MUC17: variants seen among roughly 807,000 people sequenced by gnomAD.
MUC17 encodes the protein mucin-17.
MUC17 carries 190 observed loss-of-function variants against 170.3 expected under a neutral mutation model. The ratio of observed to expected loss-of-function variants is 1.12; its 90% CI spans 0.99 to 1.26. MUC17 has a LOEUF of 1.26. Ranked by LOEUF, MUC17 falls within the 50% of genes most tolerant of loss-of-function variation. The pLI, the probability that MUC17 is intolerant of heterozygous loss-of-function variation, is 0.00. For synonymous variants in MUC17, 2,325 were observed against 2,002.5 expected (o/e 1.16, Z -4.30); for missense variants, 6,415 against 5,530.0 (o/e 1.16, Z -5.08).
At chr7:101,028,563 T>C (rs1477322988) in intron 1 of MUC17, among the ~76,000 whole-genome samples, 1 of 152,110 alleles carries the variant, frequency 6.6e-6, no homozygotes, top group Non-Finnish European at 1.5e-5. Flanking sequence ...ATTGGATTAT[T>C]GCACATATGG....
intron 9 of MUC17, among the ~76,000 whole-genome samples, chr7:101,052,688 G>A (rs752947148): frequency 1.7e-4 from 26 of 152,082 alleles, no homozygotes; most frequent in Non-Finnish European, 2.8e-4. Flanking sequence ...GTGGGGTCCT[G>A]GAGTCCCTGG....
rs187135134 is a variant in MUC17 at position 101,058,046 on chromosome 7, G to A, written c.*2G>A. The stretch of plus-strand genomic sequence containing the variant: ...CAGGTAATGACGACATCATTTTAAG[G>A]CATGGAGCTGAGAAGTCTGGGAGTG... On this transcript the variant is annotated 3_prime_UTR_variant, in exon 13 of 13. Coordinates refer to ENST00000306151, the MANE Select transcript of MUC17 (RefSeq NM_001040105.2). The A allele has an allele frequency of 1.9e-6, 3 of 1,613,754 alleles. No individual in the cohort carries two copies. Among genetic ancestry groups the A allele is most frequent in the Non-Finnish European group, 2.5e-6 (3 of 1,179,806 alleles).
In MUC17 at chr7:101,048,897, T is replaced by C. The variant is rs535004213; in HGVS notation, c.12588T>C (p.Ser4196=). Reference sequence around the variant, plus strand: ...TGGAACTGACTGTGACAGTGACCAGTGTGAAGTTCACCGAAGAGCTAAAAA... The same window carrying C: ...TGGAACTGACTGTGACAGTGACCAGCGTGAAGTTCACCGAAGAGCTAAAAA... The part of the protein sequence containing the change: ...AQMELTVTVT[S]VKFTEELKNH... Residue 4196 remains serine, a synonymous_variant, in exon 5 of 13, where the codon AGT becomes AGC. Transcript: ENST00000306151. The C allele has an allele frequency of 1.1e-5, 18 of 1,613,988 alleles. No individual in the cohort carries two copies. In the South Asian group the frequency reaches 1.9e-4, roughly 17 times the overall value.
Position 101,035,050 on chromosome 7 carries a change from T to G in MUC17, c.3634T>G (p.Ser1212Ala), listed in dbSNP as rs774317611. The change falls in exon 3 of 13, where the codon TCA becomes GCA. Residue 1212 changes from serine to alanine, a missense_variant. Physicochemically the swap from Ser to Ala is moderately conservative, Grantham distance 99. Transcript: ENST00000306151. Reference sequence around the variant, plus strand: ...TGCTGAAGTTACCAGCATGCCAACCTCAACTCCTGGAGAAAGAAGCACTCC... The same window carrying G: ...TGCTGAAGTTACCAGCATGCCAACCGCAACTCCTGGAGAAAGAAGCACTCC... Reference protein sequence around the residue: ...PTAEVTSMPTSTPGERSTPLT... With the variant: ...PTAEVTSMPTATPGERSTPLT... 1 of 1,613,842 alleles carries G rather than the reference T, an allele frequency of 6.2e-7. No homozygotes were observed. The highest frequency in any genetic ancestry group is 2.2e-5 in the East Asian group (1 of 44,882).
At chr7:101,022,581 T>C (rs775692630) in intron 1 of MUC17, among the ~76,000 whole-genome samples, 2 of 152,164 alleles carry the variant, frequency 1.3e-5, no homozygotes, top group Non-Finnish European at 2.9e-5. Flanking sequence ...TCCAGGCATA[T>C]TGGGAGGCCA....
intron 11 of MUC17, 77 bp from the exon 12 acceptor site, chr7:101,056,117 A>G (rs1422911312): frequency 6.3e-7 from 1 of 1,598,742 alleles, no homozygotes; most frequent in Non-Finnish European, 8.5e-7. Context: ...ATCCTCCATC[A>G]GATGGGATTA....
chr7:101,039,756 A>G lies in MUC17; in HGVS notation c.8340A>G (p.Ile2780Met), dbSNP rs899877285. ...TVSTTAVDTS[I>M]PVTTSTEASS... ...CAACAACTGCTGTTGACACCAGCATACCTGTCACCACTTCTACTGAAGCCA... is the reference window on the plus strand; with the variant it reads ...CAACAACTGCTGTTGACACCAGCATGCCTGTCACCACTTCTACTGAAGCCA... The change falls in exon 3 of 13, where the codon ATA becomes ATG. Residue 2780 changes from isoleucine (I) to methionine (M), a missense_variant. Physicochemically the swap from Ile to Met is conservative, Grantham distance 10 (BLOSUM62 1). Coordinates refer to ENST00000306151, the MANE Select transcript of MUC17 (RefSeq NM_001040105.2). 5.0e-6 allele frequency: 8 copies of G among 1,609,966 alleles called. No individual in the cohort carries two copies. The highest frequency in any genetic ancestry group is 2.2e-5 in the East Asian group (1 of 44,698).
Position 101,032,593 on chromosome 7 carries a change from A to T in MUC17, c.1177A>T (p.Thr393Ser). ...AACCTCAACTCTTAGTGAAGGAAGC[A>T]CTCCATTAACAAATATGCCTGTCAG... is the stretch of plus-strand genomic sequence containing the variant. ...MLTSTLSEGS[T>S]PLTNMPVSTI... Residue 393 changes from threonine to serine, a missense_variant, in exon 3 of 13, where the codon ACT becomes TCT. Thr to Ser is a moderately conservative substitution (Grantham distance 58). Coordinates refer to ENST00000306151, the MANE Select transcript of MUC17 (RefSeq NM_001040105.2). The T allele has an allele frequency of 6.2e-7, 1 of 1,613,854 alleles. No individual in the cohort carries two copies. Among genetic ancestry groups the T allele is most frequent in the Non-Finnish European group, 8.5e-7 (1 of 1,179,948 alleles).
At chr7:101,056,798 G>A (rs1252358330) in intron 12 of MUC17, among the ~76,000 whole-genome samples, 61 of 151,888 alleles carry the variant, frequency 4.0e-4, no homozygotes, top group Non-Finnish European at 1.5e-5. Flanking sequence ...TCACAATATC[G>A]TCTGGTACCC....
rs769975461 is a variant in MUC17, at chr7:101,031,680, C to A, written c.264C>A (p.Asn88Lys). ...EPRMYLSCST[N>K]PEMTSIESSV... is the part of the protein sequence containing the mutation. ...GAATGTATTTGAGTTGCAGCACCAA[C>A]CCTGAGATGACCTCGATTGAGTCCA... The change falls in exon 3 of 13, where the codon AAC becomes AAA. Residue 88 changes from asparagine to lysine, a missense_variant. Transcript: ENST00000306151. 3.7e-6 allele frequency: 6 copies of A among 1,602,268 alleles called. No individual in the cohort carries two copies. The highest frequency in any genetic ancestry group is 1.1e-5 in the South Asian group (1 of 89,106).
Position 101,042,239 on chromosome 7 carries a change from C to A in MUC17, c.10823C>A (p.Thr3608Asn), listed in dbSNP as rs1225231349. The change falls in exon 3 of 13, where the codon ACC becomes AAC. Residue 3608 changes from threonine to asparagine, a missense_variant. Transcript: ENST00000306151. ...TPSVDRSTPV[T>N]TSTQSNSTPT... Reference sequence around the variant, plus strand: ...TCTGTTGACAGAAGCACACCTGTGACCACTTCTACTCAGAGCAATTCTACT... The same window carrying A: ...TCTGTTGACAGAAGCACACCTGTGAACACTTCTACTCAGAGCAATTCTACT... The A allele has an allele frequency of 6.2e-7, 1 of 1,614,024 alleles. No homozygotes were observed. Among genetic ancestry groups the A allele is most frequent in the Non-Finnish European group, 8.5e-7 (1 of 1,180,020 alleles).
chr7:101,032,881 G>A lies in MUC17; in HGVS notation c.1465G>A (p.Ala489Thr), dbSNP rs750285576. The change falls in exon 3 of 13, where the codon GCC becomes ACC. Residue 489 changes from alanine (A) to threonine (T), a missense_variant. Ala to Thr is a moderately conservative substitution (Grantham distance 58). Coordinates refer to ENST00000306151, the MANE Select transcript of MUC17 (RefSeq NM_001040105.2). Reference protein sequence around the residue: ...SKTQVTTSTEASSSPPTAEVN... With the variant: ...SKTQVTTSTETSSSPPTAEVN... ...AACTCAGGTGACCACTTCTACTGAA[G>A]CCAGTTCATCTCCTCCAACTGCTGA... 43 of 1,613,240 alleles carry A rather than the reference G, an allele frequency of 2.7e-5. No homozygotes were observed. The highest frequency in any genetic ancestry group is 3.4e-5 in the Non-Finnish European group (40 of 1,179,866).
Position 101,058,141 on chromosome 7 carries a change from T to C in MUC17, c.*97T>C. ...GAGAGCCTTCCATGGGAACTCAATG[T>C]TCCCATTGTAAGTACAGGAAACAAG... On this transcript the variant is annotated 3_prime_UTR_variant, in exon 13 of 13. Coordinates refer to ENST00000306151, the MANE Select transcript of MUC17 (RefSeq NM_001040105.2). 9.0e-7 allele frequency: 1 copy of C among 1,107,188 alleles called. No individual in the cohort carries two copies. The highest frequency in any genetic ancestry group is 1.4e-6 in the Non-Finnish European group (1 of 725,158). 68.6% of individuals were successfully genotyped at this position (1,107,188 alleles called of 1,614,324 possible).
rs370710978 is a variant in MUC17 at position 101,035,867 on chromosome 7, G to C, written c.4451G>C (p.Ser1484Thr). 1 of 1,604,482 alleles carries C rather than the reference G, an allele frequency of 6.2e-7. No homozygotes were observed. Among genetic ancestry groups the C allele is most frequent in the East Asian group, 2.2e-5 (1 of 44,550 alleles). ...TLSTTPVDSN[S>T]PVVTSTAVSS... ...TCAACAACTCCTGTTGACTCTAACA[G>C]TCCTGTGGTCACTTCTACAGCAGTC... Residue 1484 changes from serine to threonine, a missense_variant, in exon 3 of 13, where the codon AGT (serine) becomes ACT (threonine). Physicochemically the swap from Ser to Thr is moderately conservative, Grantham distance 58 (BLOSUM62 1). Coordinates refer to ENST00000306151, the MANE Select transcript of MUC17 (RefSeq NM_001040105.2).
Position 101,042,864 on chromosome 7 carries a change from G to A in MUC17, c.11448G>A (p.Leu3816=), listed in dbSNP as rs1794757098. ...MSTTSERSTL[L]TTVLISPISV... ...CTACGAGTGAAAGAAGCACTTTATT[G>A]ACAACTGTCCTCATCAGCCCTATAT... is the stretch of plus-strand genomic sequence containing the variant. Residue 3816 remains leucine (L), a synonymous_variant, in exon 3 of 13, where the codon TTG becomes TTA. Coordinates refer to ENST00000306151, the MANE Select transcript of MUC17 (RefSeq NM_001040105.2). 1 of 1,613,906 alleles carries A rather than the reference G, an allele frequency of 6.2e-7. No individual in the cohort carries two copies. The highest frequency in any genetic ancestry group is 1.7e-5 in the Admixed American group (1 of 59,980).
rs1365336411 is a variant in MUC17, at chr7:101,032,387, T to C, written c.971T>C (p.Ile324Thr). Residue 324 changes from isoleucine to threonine, a missense_variant, in exon 3 of 13, where the codon ATA becomes ACA. Physicochemically the swap from Ile to Thr is moderately conservative, Grantham distance 89. Coordinates refer to ENST00000306151, the MANE Select transcript of MUC17 (RefSeq NM_001040105.2). ...CCTACAACGGCTGAAGGCACCAGCA[T>C]ACCAACCTCAACTTATACTGAAGGA... ...SSPTTAEGTS[I>T]PTSTYTEGST... 6.2e-7 allele frequency: 1 copy of C among 1,613,622 alleles called. No individual in the cohort carries two copies. The highest frequency in any genetic ancestry group is 2.2e-5 in the East Asian group (1 of 44,854).
rs745987132 is a variant in MUC17 at position 101,033,353 on chromosome 7, C to T, written c.1937C>T (p.Ala646Val). 6.2e-7 allele frequency: 1 copy of T among 1,613,712 alleles called. No individual in the cohort carries two copies. The highest frequency in any genetic ancestry group is 8.5e-7 in the Non-Finnish European group (1 of 1,179,768). Residue 646 changes from alanine (A) to valine (V), a missense_variant, in exon 3 of 13, where the codon GCT becomes GTT. Physicochemically the swap from Ala to Val is moderately conservative, Grantham distance 64. Transcript: ENST00000306151. ...ACCACACTGGTGGCCAGTTCTGAGG[C>T]TAGCACCCTTTCAACAACTCCTGTT... is the stretch of plus-strand genomic sequence containing the variant. ...VSTTLVASSE[A>V]STLSTTPVDS...
Position 101,037,545 on chromosome 7 carries a change from C to A in MUC17, c.6129C>A (p.Thr2043=). The change falls in exon 3 of 13, where the codon ACC becomes ACA. Residue 2043 remains threonine (T), a synonymous_variant. Coordinates refer to ENST00000306151, the MANE Select transcript of MUC17 (RefSeq NM_001040105.2). Reference sequence around the variant, plus strand: ...AAACCTCAACTCCTAGTGAACGGACCACTCCATTAGCAGGTATGCCTGTCA... The same window carrying A: ...AAACCTCAACTCCTAGTGAACGGACAACTCCATTAGCAGGTATGCCTGTCA... The part of the protein sequence containing the change: ...SIQTSTPSER[T]TPLAGMPVST... 1 of 1,613,710 alleles carries A rather than the reference C, an allele frequency of 6.2e-7. No homozygotes were observed. Among genetic ancestry groups the A allele is most frequent in the Non-Finnish European group, 8.5e-7 (1 of 1,179,862 alleles).
At chr7:101,056,454 A>G (rs1795047218) in intron 12 of MUC17, among the ~76,000 whole-genome samples, 184 bp downstream of exon 12, 2 of 152,224 alleles carry the variant, frequency 1.3e-5, no homozygotes, top group Non-Finnish European at 2.9e-5. Flanking sequence ...AAAGCTAAGT[A>G]GCAAGGTGGA....
Sources: gnomAD v4.1 joint callset for allele counts (sites outside exome capture counted in the v4.1 genomes callset) on GRCh38, gnomAD v4.1.1 for gene constraint, MANE v1.5 for transcripts, NCBI Gene and HGNC (gene_info 2026-07-23, HGNC 2026-07-21) for gene names.